The following PEPD variants were observed in gnomAD, a reference collection of about 807,000 sequenced individuals.
The protein encoded by PEPD is xaa-Pro dipeptidase.
Under a neutral mutation model 60.7 loss-of-function variants are expected in PEPD, and 53 were observed. The ratio of observed to expected loss-of-function variants is 0.87; its 90% confidence interval spans 0.70 to 1.10. The LOEUF is 1.10. Ranked by LOEUF, PEPD falls within the 50% of genes least tolerant of loss-of-function variation. The pLI is 0.00. For synonymous variants in PEPD, 267 were observed against 284.1 expected (o/e 0.94, Z 0.60); for missense variants, 711 against 711.9 (o/e 1.00, Z 0.01).
rs532472333 is a variant in PEPD at position 33,409,578 on chromosome 19, G to C, written c.818+2094C>G. 3.5e-3 allele frequency among the ~76,000 whole-genome samples: 531 copies of C among 152,328 alleles called. 2 individuals are homozygous for C. The highest frequency in any genetic ancestry group is 5.7e-3 in the Admixed American group (88 of 15,312). The stretch of plus-strand genomic sequence containing the variant: ...TAGTCTCAGCTACTCGGGAGGCTGA[G>C]GTGGGAGGATCTCTTAAGCCTAGGA... On this transcript the variant is annotated intron_variant, in intron 11 of 14. Transcript: ENST00000244137.
At chr19:33,436,083 G>A (rs1466885694) in intron 9 of PEPD, among the ~76,000 whole-genome samples, 1 of 152,100 alleles carries the variant, frequency 6.6e-6, no homozygotes, top group East Asian at 1.9e-4. Context: ...AAGAGCAGAG[G>A]AGAAAGAAGC....
chr19:33,441,917 T>C (rs1969485796), intron 9 of PEPD, among the ~76,000 whole-genome samples: 1 of 152,260 alleles, frequency 6.6e-6, no homozygotes, highest in Admixed American at 6.5e-5. Flanking sequence ...TGCCCTGCAC[T>C]GAGACAGTAA....
intron 3 of PEPD, among the ~76,000 whole-genome samples, chr19:33,508,061 G>A (rs1384648720): frequency 6.6e-6 from 1 of 151,712 alleles, no homozygotes. Context: ...ACCCCAGGTG[G>A]GGCCCTGTTT....
intron 9 of PEPD, among the ~76,000 whole-genome samples, chr19:33,417,785 G>A (rs973407157): frequency 6.6e-6 from 1 of 152,162 alleles, no homozygotes; most frequent in Admixed American, 6.5e-5. Flanking sequence ...CAGGCTTTGA[G>A]AAACAGCCTC....
chr19:33,427,056 A>G (rs1969167619), intron 9 of PEPD, among the ~76,000 whole-genome samples: 1 of 152,224 alleles, frequency 6.6e-6, no homozygotes. Flanking sequence ...ATCCTCACTC[A>G]CGACTCCAAA....
At chr19:33,432,286 T>C (rs1969290849) in intron 9 of PEPD, among the ~76,000 whole-genome samples, 1 of 152,168 alleles carries the variant, frequency 6.6e-6, no homozygotes, top group Non-Finnish European at 1.5e-5. Flanking sequence ...ATCAGATTCT[T>C]TGGCAAAACC....
At chr19:33,517,827 C>G (rs1487073872) in intron 1 of PEPD, among the ~76,000 whole-genome samples, 2 of 151,202 alleles carry the variant, frequency 1.3e-5, no homozygotes, top group Admixed American at 6.6e-5. Context: ...ATTAGCCAGG[C>G]ATGGTAGTGG....
chr19:33,397,614 G>C (rs1414990471), intron 12 of PEPD, among the ~76,000 whole-genome samples: 2 of 151,808 alleles, frequency 1.3e-5, no homozygotes, highest in Admixed American at 1.3e-4. Flanking sequence ...GGTGTGGGGG[G>C]GCTGCTGGGG....
intron 7 of PEPD, among the ~76,000 whole-genome samples, chr19:33,475,505 T>C (rs1168297205): frequency 1.3e-5 from 2 of 152,018 alleles, no homozygotes; most frequent in Admixed American, 1.3e-4. Flanking sequence ...TCTACTGCCA[T>C]CAACTTTCTG....
chr19:33,463,898 C>A, intron 8 of PEPD, 89 bp downstream of exon 8: 1 of 846,850 alleles, frequency 1.2e-6, no homozygotes. Context: ...GGATTAGAGC[C>A]CACCTGGAAA....
At chr19:33,478,685 T>TA (rs905645864) in intron 6 of PEPD, among the ~76,000 whole-genome samples, 40 of 146,990 alleles carry the variant, frequency 2.7e-4, no homozygotes, top group African/African-American at 8.7e-4. Context: ...GCTGAAAGAT[T>TA]AAAAAAAAAA....
chr19:33,411,599 G>A (rs1238116929), intron 11 of PEPD, 73 bp downstream of exon 11: 1 of 823,470 alleles, frequency 1.2e-6, no homozygotes, highest in Non-Finnish European at 2.1e-6. Flanking sequence ...GAGGCTTCTG[G>A]GCCATCTTGA....
chr19:33,422,641 C>A (rs1479726597), intron 9 of PEPD, among the ~76,000 whole-genome samples: 1 of 149,914 alleles, frequency 6.7e-6, no homozygotes. Context: ...TATCTACCTA[C>A]CTCCTACGTA....
rs115728721 is a variant in PEPD at position 33,437,441 on chromosome 19, G to A, written c.672-23798C>T. ...CAGGGGTTCAGATGGATTTTGTGTC[G>A]GCAGACAGGGCGCCTGGAGGAGCTG... On this transcript the variant is annotated intron_variant, in intron 9 of 14. Transcript: ENST00000244137. 3.9e-3 allele frequency among the ~76,000 whole-genome samples: 596 copies of A among 151,448 alleles called. 3 individuals are homozygous for A. The highest frequency in any genetic ancestry group is 0.014 in the African/African-American group (574 of 41,218).
Position 33,517,923 on chromosome 19 carries a change from C to T in PEPD, c.17+3821G>A, listed in dbSNP as rs547502383. Among the ~76,000 whole-genome samples the T allele has an allele frequency of 4.0e-5, 6 of 150,622 alleles. No individual in the cohort carries two copies. In the East Asian group the frequency reaches 1.2e-3, roughly 30 times the overall value. On this transcript the variant is annotated intron_variant, in intron 1 of 14. Transcript: ENST00000244137. ...CGGAGGTTGCAGTGAGCCGAGATCGCGCCATTGCACTCCAGTGTGAGACTC... is the reference window on the plus strand; with the variant it reads ...CGGAGGTTGCAGTGAGCCGAGATCGTGCCATTGCACTCCAGTGTGAGACTC...
intron 6 of PEPD, among the ~76,000 whole-genome samples, chr19:33,485,050 C>T (rs886600429): frequency 6.6e-6 from 1 of 152,148 alleles, no homozygotes; most frequent in Non-Finnish European, 1.5e-5. Flanking sequence ...AGGGCCAAAG[C>T]CCCTGTCCCA....
At chr19:33,401,950 A>T (rs1468770918) in intron 11 of PEPD, 81 bp from the exon 12 acceptor site, 2 of 1,407,774 alleles carry the variant, frequency 1.4e-6, no homozygotes, top group African/African-American at 2.8e-5. Flanking sequence ...CCTGCCCTGG[A>T]CTCGAGGGCA....
chr19:33,415,813 AGAG>A (rs1600097921), intron 9 of PEPD, among the ~76,000 whole-genome samples: 2 of 152,216 alleles, frequency 1.3e-5, no homozygotes, highest in South Asian at 2.1e-4. Flanking sequence ...GGAGTTGAAA[AGAG>A]GAGGAGCACC....
At chr19:33,418,054 T>C (rs963394618) in intron 9 of PEPD, among the ~76,000 whole-genome samples, 1 of 152,144 alleles carries the variant, frequency 6.6e-6, no homozygotes, top group Non-Finnish European at 1.5e-5. Context: ...CCCCTCGCCC[T>C]CACGGAGCTG....
Sources: allele counts gnomAD v4.1 joint callset (sites outside exome capture counted in the v4.1 genomes callset), GRCh38; gene constraint gnomAD v4.1.1; transcripts MANE v1.5; gene names NCBI Gene and HGNC (gene_info 2026-07-23, HGNC 2026-07-21).